CSTPP1: variants seen among roughly 807,000 people sequenced by gnomAD.
CSTPP1 encodes UPF0705 protein C11orf49.
the CSTPP1 span, among the ~76,000 whole-genome samples, chr11:47,128,252 A>G: frequency 1.3e-5 from 2 of 152,172 alleles, no homozygotes; most frequent in African/African-American, 4.8e-5. Flanking sequence ...GTAGAGCTCT[A>G]GAGTTTTAAG....
chr11:47,038,048 G>A, the CSTPP1 span, among the ~76,000 whole-genome samples: 320 of 114,206 alleles, frequency 2.8e-3, no homozygotes, highest in African/African-American at 7.7e-3. Context: ...CAGTAGGGGC[G>A]GCCGGGCAGA....
At chr11:47,055,331 G>A in the CSTPP1 span, among the ~76,000 whole-genome samples, 1 of 147,442 alleles carries the variant, frequency 6.8e-6, no homozygotes, top group East Asian at 2.0e-4. Context: ...TCCTTCCTTC[G>A]TTCCTTCCTT....
At chr11:47,157,921 C>G in the CSTPP1 span, 2 of 1,612,820 alleles carry the variant, frequency 1.2e-6, no homozygotes, top group Non-Finnish European at 1.7e-6. Context: ...ACCAAGCCCT[C>G]GGTAAGTCAG....
the CSTPP1 span, among the ~76,000 whole-genome samples, chr11:47,115,860 C>T: frequency 6.6e-6 from 1 of 151,838 alleles, no homozygotes; most frequent in Non-Finnish European, 1.5e-5. Context: ...CTTCTGCTAG[C>T]TTTTGAATTT....
the CSTPP1 span, chr11:47,161,502 C>A: frequency 6.2e-7 from 1 of 1,614,150 alleles, no homozygotes; most frequent in South Asian, 1.1e-5. Flanking sequence ...TCGGTCACAG[C>A]CAGTCCAGAG....
chr11:47,080,825 A>G, the CSTPP1 span, among the ~76,000 whole-genome samples: 1 of 152,084 alleles, frequency 6.6e-6, no homozygotes, highest in Non-Finnish European at 1.5e-5. Context: ...CCTGGGAAAC[A>G]TGGTGAAACT....
chr11:46,970,849 A>G, the CSTPP1 span, among the ~76,000 whole-genome samples: 2 of 152,210 alleles, frequency 1.3e-5, no homozygotes, highest in Non-Finnish European at 2.9e-5. Flanking sequence ...ATAAAGGTGA[A>G]AAATTAGAAT....
At chr11:46,976,599 A>T in the CSTPP1 span, among the ~76,000 whole-genome samples, 1 of 152,354 alleles carries the variant, frequency 6.6e-6, no homozygotes, top group Admixed American at 6.5e-5. Flanking sequence ...GTGGTTGTGA[A>T]AATTAGAGAC....
At chr11:46,963,407 T>G in the CSTPP1 span, among the ~76,000 whole-genome samples, 1 of 152,034 alleles carries the variant, frequency 6.6e-6, no homozygotes, top group Non-Finnish European at 1.5e-5. Flanking sequence ...GTAGTAGGGT[T>G]TAAGTCTTTT....
chr11:47,052,539 T>TTTCCTTCCTTCCTTCCTTCCTTCCTTTC, the CSTPP1 span: 4 of 1,608,052 alleles, frequency 2.5e-6, no homozygotes, highest in Non-Finnish European at 3.4e-6. Flanking sequence ...CCAAATTCTT[T>TTTCCTTCCTTCCTTCCTTCCTTCCTTTC]TTCCTTCCTT....
chr11:47,084,903 C>T, the CSTPP1 span, among the ~76,000 whole-genome samples: 5 of 151,988 alleles, frequency 3.3e-5, no homozygotes, highest in South Asian at 2.1e-4. Flanking sequence ...TATTAAGAAT[C>T]GCCGGGTGCG....
At chr11:46,963,263 T>C in the CSTPP1 span, among the ~76,000 whole-genome samples, 1 of 152,010 alleles carries the variant, frequency 6.6e-6, no homozygotes, top group Non-Finnish European at 1.5e-5. Flanking sequence ...GTTTTGTAGA[T>C]ATTCTTTATC....
chr11:47,149,610 G>C, the CSTPP1 span, among the ~76,000 whole-genome samples: 9 of 152,170 alleles, frequency 5.9e-5, no homozygotes, highest in Non-Finnish European at 1.2e-4. Context: ...AGATGCAGAT[G>C]CCCACAGCCA....
chr11:47,074,065 G>A, the CSTPP1 span, among the ~76,000 whole-genome samples: 3 of 152,098 alleles, frequency 2.0e-5, no homozygotes, highest in African/African-American at 7.2e-5. Flanking sequence ...TTAGCCGAAC[G>A]TGGTGGTGCA....
the CSTPP1 span, chr11:47,157,963 C>T: frequency 2.6e-6 from 4 of 1,552,414 alleles, no homozygotes. Flanking sequence ...TCCTGCCGCA[C>T]AACACAGGGA....
chr11:47,152,464 C>CCAT, the CSTPP1 span, among the ~76,000 whole-genome samples: 45 of 152,194 alleles, frequency 3.0e-4, no homozygotes, highest in South Asian at 9.1e-3. Flanking sequence ...GCTTCTAGTC[C>CCAT]CATCTGTGGC....
At chr11:47,117,633 T>A in the CSTPP1 span, among the ~76,000 whole-genome samples, 1 of 152,192 alleles carries the variant, frequency 6.6e-6, no homozygotes, top group Non-Finnish European at 1.5e-5. Context: ...TCAAAGAGTA[T>A]CTTTGTGGTG....
the CSTPP1 span, among the ~76,000 whole-genome samples, chr11:46,964,434 C>T: frequency 6.6e-6 from 1 of 152,068 alleles, no homozygotes; most frequent in Non-Finnish European, 1.5e-5. Context: ...TATAGGCGCC[C>T]GCCTCCACGC....
chr11:46,990,822 G>A, the CSTPP1 span, among the ~76,000 whole-genome samples: 2 of 152,104 alleles, frequency 1.3e-5, no homozygotes, highest in Non-Finnish European at 2.9e-5. Flanking sequence ...GAAAGGTAAG[G>A]GTCCAGTTTC....
Sources: allele counts gnomAD v4.1 joint callset (sites outside exome capture counted in the v4.1 genomes callset), GRCh38; gene constraint gnomAD v4.1.1; transcripts MANE v1.5; gene names NCBI Gene and HGNC (gene_info 2026-07-23, HGNC 2026-07-21).